The following ZMYND8 variants were observed in gnomAD, a reference collection of about 807,000 sequenced individuals.
The protein encoded by ZMYND8 is MYND-type zinc finger-containing chromatin reader ZMYND8.
A neutral mutation model predicts 140.8 loss-of-function variants in ZMYND8; 37 were observed. That is an observed-to-expected ratio of 0.26 (90% CI 0.20 to 0.35). The LOEUF (loss-of-function observed/expected upper bound fraction) is 0.35. Ranked by LOEUF, ZMYND8 falls within the 10% of genes least tolerant of loss-of-function variation. ZMYND8 has a pLI of 1.00. For synonymous variants in ZMYND8, 592 were observed against 597.1 expected (o/e 0.99, Z 0.12); for missense variants, 1,068 against 1,570.0 (o/e 0.68, Z 5.40).
At chr20:47,255,752 ATATATATATAT>A in intron 12 of ZMYND8, among the ~76,000 whole-genome samples, 1 of 103,506 alleles carries the variant, frequency 9.7e-6, no homozygotes, top group Non-Finnish European at 1.8e-5. Context: ...ATATATATAT[ATATATATATAT>A]ACGGTATATA....
intron 11 of ZMYND8, among the ~76,000 whole-genome samples, chr20:47,274,437 A>C (rs2076139370): frequency 6.6e-6 from 1 of 152,360 alleles, no homozygotes; most frequent in East Asian, 1.9e-4. Flanking sequence ...GTCGCTGCCA[A>C]GGTTAAAATT....
At position 47,298,624 on chromosome 20, in the gene ZMYND8, T is replaced by C. The variant is rs1016947898; in HGVS notation, c.453+105A>G. ...TAGAACAGGTGGAAAGCAAGAAATT[T>C]CTCTTTTCCATCTATCTGGATTATT... On this transcript the variant is annotated intron_variant, in intron 4 of 22. Coordinates refer to ENST00000471951, the MANE Select transcript of ZMYND8 (RefSeq NM_001281775.3). This position sits in a 1 kb window ranked among gnomAD's most constrained non-coding sequence, Gnocchi z 5.0. 1 of 1,517,624 alleles carries C rather than the reference T, an allele frequency of 6.6e-7. No individual in the cohort carries two copies. The highest frequency in any genetic ancestry group is 8.8e-7 in the Non-Finnish European group (1 of 1,130,836). The allele number at this position is 1,517,624 out of a possible 1,614,324, so 94.0% of individuals were successfully genotyped here. A position where few individuals can be genotyped will look rare whatever the true frequency, so the allele number is the denominator to read the frequency against.
intron 11 of ZMYND8, among the ~76,000 whole-genome samples, chr20:47,267,135 G>T (rs2075585544): frequency 6.6e-6 from 1 of 152,016 alleles, no homozygotes; most frequent in Non-Finnish European, 1.5e-5. Flanking sequence ...AAAGAAGCCA[G>T]ACACAAAAGG....
chr20:47,342,455 G>A (rs2081974687), intron 2 of ZMYND8, among the ~76,000 whole-genome samples: 1 of 151,104 alleles, frequency 6.6e-6, no homozygotes, highest in Non-Finnish European at 1.5e-5. Context: ...GCTGAGGCAG[G>A]GGAATTGCTT....
At chr20:47,334,880 G>T (rs1294555530) in intron 2 of ZMYND8, among the ~76,000 whole-genome samples, 1 of 151,866 alleles carries the variant, frequency 6.6e-6, no homozygotes, top group Non-Finnish European at 1.5e-5. Flanking sequence ...AAAGTGCTGG[G>T]ATTACAGGCG....
chr20:47,342,914 T>G (rs1230145151), intron 2 of ZMYND8, among the ~76,000 whole-genome samples: 1 of 150,448 alleles, frequency 6.6e-6, no homozygotes, highest in Non-Finnish European at 1.5e-5. Context: ...ATTTTAGGGC[T>G]GAGGCAAAGA....
In ZMYND8 at chr20:47,290,260, T is replaced by C. The variant is rs1288778246; in HGVS notation, c.675A>G (p.Lys225=). 5 of 1,613,212 alleles carry C rather than the reference T, an allele frequency of 3.1e-6. No homozygotes were observed. The highest frequency in any genetic ancestry group is 4.2e-6 in the Non-Finnish European group (5 of 1,179,686). The part of the protein sequence containing the change: ...LCTLEKNAKK[K]MYGCTEAFLA... ...GGAAGGCTTCTGTGCAGCCATACAT[T>C]TTCTTTTTCGCATTCTGGGAAGAAA... is the stretch of plus-strand genomic sequence containing the variant. The change falls in exon 7 of 23, where the codon AAA becomes AAG. Residue 225 remains lysine (K), a synonymous_variant. Coordinates refer to ENST00000471951, the MANE Select transcript of ZMYND8 (RefSeq NM_001281775.3).
Position 47,310,137 on chromosome 20 carries a change from G to A in ZMYND8, c.153C>T (p.Gly51=), listed in dbSNP as rs2078812436. 1 of 1,613,662 alleles carries A rather than the reference G, an allele frequency of 6.2e-7. No homozygotes were observed. The highest frequency in any genetic ancestry group is 1.3e-5 in the African/African-American group (1 of 74,820). ...TTGTTGATGTGTCCTGCGGCGAGTG[G>A]CCATTGGAAGAATGTGGAGGGCTGG... ...KFPSPPHSSN[G]HSPQDTSTSP... The change falls in exon 3 of 23, where the codon GGC becomes GGT. Residue 51 remains glycine, a synonymous_variant. Coordinates refer to ENST00000471951, the MANE Select transcript of ZMYND8 (RefSeq NM_001281775.3).
chr20:47,250,150 T>A (rs2074053020), intron 12 of ZMYND8, among the ~76,000 whole-genome samples: 1 of 152,172 alleles, frequency 6.6e-6, no homozygotes, highest in Non-Finnish European at 1.5e-5. Flanking sequence ...GGCAGAGGCC[T>A]CTGGGGGGTG....
chr20:47,321,856 C>G (rs368749300), intron 2 of ZMYND8, among the ~76,000 whole-genome samples: 4 of 123,480 alleles, frequency 3.2e-5, no homozygotes, highest in Non-Finnish European at 6.7e-5. Context: ...ACTCGCCGCC[C>G]TTTTTTTTTT....
intron 11 of ZMYND8, among the ~76,000 whole-genome samples, chr20:47,268,180 C>A (rs2075669731): frequency 6.6e-6 from 1 of 152,042 alleles, no homozygotes. Context: ...AATGACGAGG[C>A]CGGTCGCAGT....
chr20:47,255,657 T>A (rs2074565568), intron 12 of ZMYND8, among the ~76,000 whole-genome samples: 1 of 129,938 alleles, frequency 7.7e-6, no homozygotes. Context: ...ATACATATAC[T>A]CAGTATATGT....
chr20:47,273,672 G>C (rs953357136), intron 11 of ZMYND8, among the ~76,000 whole-genome samples: 2 of 152,070 alleles, frequency 1.3e-5, no homozygotes, highest in Non-Finnish European at 2.9e-5. Flanking sequence ...TCACTCTATT[G>C]TCCAGGCTGG....
At position 47,295,161 on chromosome 20, in the gene ZMYND8, G is replaced by C. The variant is rs2076401; in HGVS notation, c.454-382C>G. 7.0e-3 allele frequency among the ~76,000 whole-genome samples: 1,063 copies of C among 152,336 alleles called. 61 individuals are homozygous for C. In the East Asian group the frequency reaches 0.15, roughly 21 times the overall value. ...TAATCCCAGCACTTGGGGAGGCTGA[G>C]GTGGGTAGATTGCTTGAGCCCCAGT... On this transcript the variant is annotated intron_variant, in intron 4 of 22. Coordinates refer to ENST00000471951, the MANE Select transcript of ZMYND8 (RefSeq NM_001281775.3).
chr20:47,267,195 C>G (rs1293565113), intron 11 of ZMYND8, among the ~76,000 whole-genome samples: 1 of 150,080 alleles, frequency 6.7e-6, no homozygotes, highest in African/African-American at 2.5e-5. Flanking sequence ...ATAGGAAAGT[C>G]AGTTCAAACA....
At chr20:47,342,898 T>C (rs894365518) in intron 2 of ZMYND8, among the ~76,000 whole-genome samples, 2 of 141,182 alleles carry the variant, frequency 1.4e-5, no homozygotes, top group African/African-American at 5.3e-5. Flanking sequence ...CATAGAGAAA[T>C]GGATGATTTT....
chr20:47,240,296 C>T (rs938052983), intron 14 of ZMYND8, among the ~76,000 whole-genome samples: 1 of 151,950 alleles, frequency 6.6e-6, no homozygotes, highest in African/African-American at 2.4e-5. Flanking sequence ...GGGCGGATCA[C>T]TTGTGGTCAG....
rs986269081 is a variant in ZMYND8 at position 47,290,590 on chromosome 20, T to G, written c.661-316A>C. Among the ~76,000 whole-genome samples, 903 of 142,428 alleles carry G rather than the reference T, an allele frequency of 6.3e-3. 2 individuals are homozygous for G. The highest frequency in any genetic ancestry group is 0.011 in the Non-Finnish European group (745 of 65,328). 93.4% of individuals were successfully genotyped at this position (142,428 alleles called of 152,430 possible). ...GGATAGTTTATTTATTTAGTTTTTT[T>G]TTTTTTTTTTTTTTTTTGGAGGTGG... On this transcript the variant is annotated intron_variant, in intron 6 of 22. Transcript: ENST00000471951.
intron 13 of ZMYND8, among the ~76,000 whole-genome samples, chr20:47,248,919 G>A (rs536747165): frequency 3.9e-5 from 6 of 152,256 alleles, no homozygotes; most frequent in Non-Finnish European, 7.4e-5. Flanking sequence ...AAAGGGTTTC[G>A]TGTCGGACAC....
Sources: allele counts gnomAD v4.1 joint callset (sites outside exome capture counted in the v4.1 genomes callset), GRCh38; gene constraint gnomAD v4.1.1; non-coding constraint Gnocchi (gnomAD v3.1); transcripts MANE v1.5; gene names NCBI Gene and HGNC (gene_info 2026-07-23, HGNC 2026-07-21).